TPR: variants seen among roughly 807,000 people sequenced by gnomAD.
The protein encoded by TPR is nucleoprotein TPR.
A neutral mutation model predicts 316.1 loss-of-function variants in TPR; 51 were observed. The ratio of observed to expected loss-of-function variants is 0.16; its 90% CI spans 0.13 to 0.20. TPR has a LOEUF of 0.20. TPR is among the 10% of genes least tolerant of loss of function. The pLI is 1.00. For synonymous variants in TPR, 981 were observed against 914.7 expected, an observed-to-expected ratio of 1.07 and a Z score of -1.31; for missense variants, 2,272 against 2,754.8, an observed-to-expected ratio of 0.82 and a Z score of 3.92.
At chr1:186,318,975 A>G (rs995322119) in intron 46 of TPR, 147 bp from the exon 47 acceptor site, 4 of 785,400 alleles carry the variant, frequency 5.1e-6, no homozygotes, top group African/African-American at 1.8e-5. Flanking sequence ...GCAAAAATCC[A>G]TCTCTCAAAC....
At chr1:186,350,440 GGTTC>G in intron 20 of TPR, 52 bp from the exon 21 acceptor site, 2 of 1,338,266 alleles carry the variant, frequency 1.5e-6, no homozygotes, top group Non-Finnish European at 2.0e-6. Flanking sequence ...AGTAACTAAA[GGTTC>G]AAACTATCTT....
chr1:186,327,586 C>G lies in TPR; in HGVS notation c.5763G>C (p.Gly1921=). ...ETSQSLQIDL[G]PLQSDQQTTT... ...TCGTCTGCTGATCTGATTGAAGTGG[C>G]CCAAGATCTATTTGTAGAGACTGAG... The change falls in exon 40 of 51, where the codon GGG becomes GGC. Residue 1921 remains glycine, a synonymous_variant. Transcript: ENST00000367478. 6.2e-7 allele frequency: 1 copy of G among 1,612,634 alleles called. No homozygotes were observed. The highest frequency in any genetic ancestry group is 8.5e-7 in the Non-Finnish European group (1 of 1,179,728).
chr1:186,367,705 C>A (rs1659391063), intron 4 of TPR, among the ~76,000 whole-genome samples, 181 bp downstream of exon 4: 1 of 152,176 alleles, frequency 6.6e-6, no homozygotes, highest in Non-Finnish European at 1.5e-5. Context: ...CTAGACACTT[C>A]TTTAAACACT....
intron 27 of TPR, chr1:186,341,807 T>G (rs1046862826): frequency 1.9e-5 from 3 of 161,866 alleles, no homozygotes; most frequent in Non-Finnish European, 2.7e-5. Context: ...ATGAGAAATT[T>G]TACTGAATTA....
chr1:186,353,573 AC>A, intron 18 of TPR, 114 bp downstream of exon 18: 1 of 1,164,010 alleles, frequency 8.6e-7, no homozygotes, highest in Non-Finnish European at 1.2e-6. Context: ...ACTTGGTGTA[AC>A]CTCCAAACTT....
rs1358639757 is a variant in TPR at position 186,344,068 on chromosome 1, C to A, written c.3440G>T (p.Cys1147Phe). The A allele has an allele frequency of 6.2e-7, 1 of 1,613,554 alleles. No individual in the cohort carries two copies. Among genetic ancestry groups the A allele is most frequent in the Non-Finnish European group, 8.5e-7 (1 of 1,179,912 alleles). ...MLKDEVSKCV[C>F]RCEDLEKQNR... ...TTGTTTCTCCAGATCTTCACAGCGA[C>A]ATACACATTTGGAAACTTCATCCTG... is the stretch of plus-strand genomic sequence containing the variant. Residue 1147 changes from cysteine to phenylalanine, a missense_variant, in exon 26 of 51, where the codon TGT becomes TTT. Cys to Phe is a radical substitution (Grantham distance 205). Around this residue, in one of 10 missense-constraint regions of TPR, gnomAD observed 757 missense variants for 859.8 expected, o/e 0.88. Coordinates refer to ENST00000367478, the MANE Select transcript of TPR (RefSeq NM_003292.3).
intron 38 of TPR, 44 bp from the exon 39 acceptor site, chr1:186,331,625 G>T: frequency 7.7e-7 from 1 of 1,296,284 alleles, no homozygotes; most frequent in Non-Finnish European, 1.1e-6. Flanking sequence ...CAGTGTAGTA[G>T]ATGAAGGGTT....
intron 2 of TPR, among the ~76,000 whole-genome samples, chr1:186,371,459 C>A (rs1659524557): frequency 6.6e-6 from 1 of 152,030 alleles, no homozygotes; most frequent in African/African-American, 2.4e-5. Context: ...CAGCAAATCA[C>A]AATAATGAAT....
In TPR at chr1:186,355,663, G is replaced by A. The variant is rs373376248; in HGVS notation, c.1994C>T (p.Ala665Val). The A allele has an allele frequency of 1.9e-4, 307 of 1,613,988 alleles. No homozygotes were observed. Among genetic ancestry groups the A allele is most frequent in the Non-Finnish European group, 2.5e-4 (296 of 1,180,004 alleles). The change falls in exon 16 of 51, where the codon GCT becomes GTT. Residue 665 changes from alanine (A) to valine (V), a missense_variant. By Grantham distance (64) the Ala-to-Val change is moderately conservative. Around this residue, in one of 10 missense-constraint regions of TPR, gnomAD observed 757 missense variants for 859.8 expected, o/e 0.88. Coordinates refer to ENST00000367478, the MANE Select transcript of TPR (RefSeq NM_003292.3). Reference sequence around the variant, plus strand: ...TTTAAGGGCAGCCTTAGCCTCTATAGCCTCTGTTGATTCAATAACAGGTAC... The same window carrying A: ...TTTAAGGGCAGCCTTAGCCTCTATAACCTCTGTTGATTCAATAACAGGTAC... ...APVPVIESTE[A>V]IEAKAALKQL...
chr1:186,365,113 T>C lies in TPR; in HGVS notation c.428-1668A>G, dbSNP rs572303984. On this transcript the variant is annotated intron_variant, in intron 4 of 50. Coordinates refer to ENST00000367478, the MANE Select transcript of TPR (RefSeq NM_003292.3). ...GTAAAGGGGCTGCCCTTTTTTTTTT[T>C]TGGAGACAGTCTCGCTCTATCCCCC... 6.6e-5 allele frequency among the ~76,000 whole-genome samples: 10 copies of C among 151,306 alleles called. No homozygotes were observed. The East Asian group carries it at 2.0e-3, about 30-fold the overall frequency.
chr1:186,369,667 G>C (rs1042663886), intron 3 of TPR, among the ~76,000 whole-genome samples: 1 of 151,998 alleles, frequency 6.6e-6, no homozygotes, highest in Non-Finnish European at 1.5e-5. Flanking sequence ...TCTACATATA[G>C]GATCATATAA....
chr1:186,338,177 TA>T lies in TPR; in HGVS notation c.4217del (p.Val1406GlufsTer12). 1 of 1,613,078 alleles carries T rather than the reference TA, an allele frequency of 6.2e-7. No homozygotes were observed. The highest frequency in any genetic ancestry group is 1.1e-5 in the South Asian group (1 of 91,026). ...IQSLKEDLNK[V>X]RTEKETIQKD... ...TCTGGATGGTTTCCTTTTCAGTTCTTACTTTATTTAGATCTTCCTTCAGACT... is the reference window on the plus strand; with the variant it reads ...TCTGGATGGTTTCCTTTTCAGTTCTTCTTTATTTAGATCTTCCTTCAGACT... On this transcript the variant is annotated frameshift_variant, in exon 31 of 51. Coordinates refer to ENST00000367478, the MANE Select transcript of TPR (RefSeq NM_003292.3). LOFTEE classifies it high-confidence loss of function.
At position 186,344,517 on chromosome 1, in the gene TPR, T is replaced by A; in HGVS notation, c.3275A>T (p.Asp1092Val). Residue 1092 changes from aspartate (D) to valine (V), a missense_variant, in exon 25 of 51, where the codon GAT (aspartate) becomes GTT (valine). Around this residue, in one of 10 missense-constraint regions of TPR, gnomAD observed 757 missense variants for 859.8 expected, o/e 0.88. Coordinates refer to ENST00000367478, the MANE Select transcript of TPR (RefSeq NM_003292.3). Reference protein sequence around the residue: ...YERELMLHAADVEALQAAKEQ... With the variant: ...YERELMLHAAVVEALQAAKEQ... ...CTTCGCAGCTTGTAGAGCTTCAACA[T>A]CAGCAGCATGCAGCATCAATTCTCT... The A allele has an allele frequency of 6.2e-7, 1 of 1,612,806 alleles. No homozygotes were observed. Among genetic ancestry groups the A allele is most frequent in the Non-Finnish European group, 8.5e-7 (1 of 1,179,528 alleles).
At chr1:186,318,981 C>T (rs1188285821) in intron 46 of TPR, among the ~76,000 whole-genome samples, 153 bp from the exon 47 acceptor site, 1 of 152,076 alleles carries the variant, frequency 6.6e-6, no homozygotes, top group Non-Finnish European at 1.5e-5. Flanking sequence ...ATCCATCTCT[C>T]AAACTTTTAT....
At chr1:186,352,723 T>C (rs1658902163) in intron 18 of TPR, among the ~76,000 whole-genome samples, 1 of 152,120 alleles carries the variant, frequency 6.6e-6, no homozygotes, top group Non-Finnish European at 1.5e-5. Context: ...TGGAGCAAGA[T>C]AAAAATAAAG....
rs931073241 is a variant in TPR at position 186,355,753 on chromosome 1, T to A, written c.1904A>T (p.Asp635Val). ...TTTTGGAGTTGATGCAAGAGAAACATCATCTAAGCTTGAAGCTTCAGGAAA... is the reference window on the plus strand; with the variant it reads ...TTTTGGAGTTGATGCAAGAGAAACAACATCTAAGCTTGAAGCTTCAGGAAA... ...AIPLHASSLDDVSLASTPKRP... is the reference protein window; with the variant it reads ...AIPLHASSLDVVSLASTPKRP... The change falls in exon 16 of 51, where the codon GAT becomes GTT. Residue 635 changes from aspartate to valine, a missense_variant. Physicochemically the swap from Asp to Val is radical, Grantham distance 152. Coordinates refer to ENST00000367478, the MANE Select transcript of TPR (RefSeq NM_003292.3). 7 of 1,613,752 alleles carry A rather than the reference T, an allele frequency of 4.3e-6. No homozygotes were observed. In the Admixed American group the frequency reaches 1.0e-4, roughly 23 times the overall value.
chr1:186,374,813 G>A, intron 1 of TPR, 65 bp downstream of exon 1: 1 of 1,529,842 alleles, frequency 6.5e-7, no homozygotes, highest in Non-Finnish European at 8.9e-7. Context: ...CTTGATGGGG[G>A]AAGACCAGAC....
chr1:186,339,740 T>C lies in TPR; in HGVS notation c.4053A>G (p.Thr1351=). 1 of 1,605,344 alleles carries C rather than the reference T, an allele frequency of 6.2e-7. No individual in the cohort carries two copies. The highest frequency in any genetic ancestry group is 8.5e-7 in the Non-Finnish European group (1 of 1,176,168). ...CAGAAAGGAGCTTCCGATATTCTTC[T>C]GTATCTGGATCTTTCTGTTGACTTA... ...HLVSQQKDPD[T]EEYRKLLSEK... is the part of the protein sequence containing the mutation. Residue 1351 remains threonine, a synonymous_variant, in exon 30 of 51, where the codon ACA becomes ACG. Coordinates refer to ENST00000367478, the MANE Select transcript of TPR (RefSeq NM_003292.3).
In TPR at chr1:186,339,734, T is replaced by G. The variant is rs1383713345; in HGVS notation, c.4059A>C (p.Glu1353Asp). Residue 1353 changes from glutamate (E) to aspartate (D), a missense_variant, in exon 30 of 51, where the codon GAA becomes GAC. Glu to Asp is a conservative substitution (Grantham distance 45). This residue lies in a region of TPR where 96 missense variants were observed against 134.6 expected (regional missense o/e 0.71). Coordinates refer to ENST00000367478, the MANE Select transcript of TPR (RefSeq NM_003292.3). ...VSQQKDPDTE[E>D]YRKLLSEKEV... ...CCTTTTCAGAAAGGAGCTTCCGATA[T>G]TCTTCTGTATCTGGATCTTTCTGTT... is the stretch of plus-strand genomic sequence containing the variant. 2.5e-6 allele frequency: 4 copies of G among 1,605,984 alleles called. No individual in the cohort carries two copies. Among genetic ancestry groups the G allele is most frequent in the Non-Finnish European group, 3.4e-6 (4 of 1,176,348 alleles).
Sources: allele counts gnomAD v4.1 joint callset (sites outside exome capture counted in the v4.1 genomes callset), GRCh38; gene constraint gnomAD v4.1.1; regional missense constraint gnomAD v4.1.1; transcripts MANE v1.5; gene names NCBI Gene and HGNC (gene_info 2026-07-23, HGNC 2026-07-21).